Variants in ELAC2 observed in about 807,000 individuals in gnomAD.
ELAC2 encodes the protein zinc phosphodiesterase ELAC protein 2.
ELAC2 carries 92 observed loss-of-function variants against 105.2 expected under a neutral mutation model. That is an observed-to-expected ratio of 0.87 (90% confidence interval 0.74 to 1.04). ELAC2 has a LOEUF of 1.04. Among genes scored for constraint, ELAC2 ranks in the 50% least tolerant of loss-of-function variants. ELAC2 has a pLI of 0.00. For missense variants in ELAC2, 1,099 were observed against 1,071.7 expected (o/e 1.03, Z -0.36); for synonymous variants, 468 against 409.1 (o/e 1.14, Z -1.74).
At chr17:12,993,361 C>T (rs2040297495) in intron 23 of ELAC2, among the ~76,000 whole-genome samples, 2 of 152,306 alleles carry the variant, frequency 1.3e-5, no homozygotes, top group Admixed American at 6.5e-5. Context: ...AAGGGTCAGG[C>T]CTGGCTTTCC....
intron 7 of ELAC2, 120 bp from the exon 8 acceptor site, chr17:13,010,791 C>A: frequency 5.5e-6 from 5 of 904,248 alleles, no homozygotes; most frequent in East Asian, 2.6e-5. Flanking sequence ...CGCTACTGTC[C>A]CAATACAAAG....
chr17:13,014,795 T>C (rs137932375), intron 4 of ELAC2, among the ~76,000 whole-genome samples: 1 of 152,050 alleles, frequency 6.6e-6, no homozygotes, highest in Non-Finnish European at 1.5e-5. Flanking sequence ...AAATGAAAAA[T>C]ACAGAAGGCT....
chr17:13,006,357 G>GA (rs369728521), intron 8 of ELAC2: 3 of 217,926 alleles, frequency 1.4e-5, no homozygotes, highest in African/African-American at 6.9e-5. Flanking sequence ...CAACAAAAGC[G>GA]AAAGTCTGTC....
At chr17:12,993,310 C>T (rs2040292620) in intron 23 of ELAC2, among the ~76,000 whole-genome samples, 2 of 152,190 alleles carry the variant, frequency 1.3e-5, no homozygotes, top group Non-Finnish European at 1.5e-5. Context: ...TCCTGAAAAA[C>T]GAGGCCTGGC....
chr17:12,995,145 C>T, intron 19 of ELAC2, 83 bp from the exon 20 acceptor site: 6 of 1,354,852 alleles, frequency 4.4e-6, no homozygotes, highest in Non-Finnish European at 6.4e-6. Flanking sequence ...GGCTGGAGAA[C>T]CCCAAAATCA....
intron 6 of ELAC2, 96 bp downstream of exon 6, chr17:13,013,111 G>C (rs2041513420): frequency 2.2e-6 from 3 of 1,357,686 alleles, no homozygotes; most frequent in Non-Finnish European, 3.1e-6. Flanking sequence ...CACAAAACAG[G>C]GTGCCCACAG....
chr17:12,995,721 T>C lies in ELAC2; in HGVS notation c.1790A>G (p.Glu597Gly). The part of the protein sequence containing the change: ...WLQQYHNQCQ[E>G]VLHHISMIPA... ...TGCTCACCTGATGTGGTGCAGGACC[T>C]CCTGGCACTGGTTGTGGTACTGCTG... The change falls in exon 19 of 24, where the codon GAG becomes GGG. Residue 597 changes from glutamate to glycine, a missense_variant. Coordinates refer to ENST00000338034, the MANE Select transcript of ELAC2 (RefSeq NM_018127.7). 6.2e-7 allele frequency: 1 copy of C among 1,612,068 alleles called. No individual in the cohort carries two copies.
At chr17:13,016,971 A>C (rs753395825) in intron 2 of ELAC2, 39 bp from the exon 3 acceptor site, 23 of 1,613,426 alleles carry the variant, frequency 1.4e-5, no homozygotes, top group Non-Finnish European at 1.8e-5. Flanking sequence ...TAACATGAAC[A>C]GAACAAGGAC....
chr17:13,013,854 AACG>A (rs1301003059), intron 5 of ELAC2, among the ~76,000 whole-genome samples: 1 of 152,084 alleles, frequency 6.6e-6, no homozygotes, highest in Non-Finnish European at 1.5e-5. Flanking sequence ...AAAGCAACTC[AACG>A]ACGAGAAGCA....
In ELAC2 at chr17:13,017,846, C is replaced by T. The variant is rs1230713917; in HGVS notation, c.102G>A (p.Lys34=). 1 of 1,574,230 alleles carries T rather than the reference C, an allele frequency of 6.4e-7. No individual in the cohort carries two copies. The highest frequency in any genetic ancestry group is 8.6e-7 in the Non-Finnish European group (1 of 1,161,852). ...GCGTGCGCAGGTGCCGCAGCGGGTC[C>T]TTGCGCGGCCGCTCGCGGCGGGCGG... ...QAPARRERPR[K]DPLRHLRTRE... is the part of the protein sequence containing the mutation. Residue 34 remains lysine (K), a synonymous_variant, in exon 1 of 24, where the codon AAG becomes AAA. Transcript: ENST00000338034.
intron 8 of ELAC2, among the ~76,000 whole-genome samples, chr17:13,009,342 A>C (rs1301636858): frequency 6.6e-6 from 1 of 152,248 alleles, no homozygotes; most frequent in Non-Finnish European, 1.5e-5. Context: ...AAGCCCACAA[A>C]AAGGCAATGA....
In ELAC2 at chr17:13,002,421, G is replaced by A. The variant is rs1367660839; in HGVS notation, c.1218+20C>T. On this transcript the variant is annotated intron_variant, in intron 13 of 23. Transcript: ENST00000338034. Reference sequence around the variant, plus strand: ...AGGGGACGAGAGCTGGGCCGACAAGGGGCCGGTCTGAGACACTACCTTACA... The same window carrying A: ...AGGGGACGAGAGCTGGGCCGACAAGAGGCCGGTCTGAGACACTACCTTACA... 3 of 1,613,706 alleles carry A rather than the reference G, an allele frequency of 1.9e-6. No individual in the cohort carries two copies. The highest frequency in any genetic ancestry group is 1.7e-6 in the Non-Finnish European group (2 of 1,179,906).
chr17:13,010,748 T>A (rs1281747058), intron 7 of ELAC2, 77 bp from the exon 8 acceptor site: 7 of 1,313,758 alleles, frequency 5.3e-6, no homozygotes, highest in Admixed American at 3.4e-5. Flanking sequence ...TATGACCCGA[T>A]ACCTAATTTC....
rs1288415497 is a variant in ELAC2 at position 12,998,460 on chromosome 17, G to T, written c.1472C>A (p.Ala491Asp). The change falls in exon 16 of 24, where the codon GCC (alanine) becomes GAC (aspartate). Residue 491 changes from alanine (A) to aspartate (D), a missense_variant. Physicochemically the swap from Ala to Asp is moderately radical, Grantham distance 126. Coordinates refer to ENST00000338034, the MANE Select transcript of ELAC2 (RefSeq NM_018127.7). The part of the protein sequence containing the change: ...PEIIFLGTGS[A>D]IPMKIRNVSA... ...GACATTTCGAATCTTCATCGGGATG[G>T]CAGACCCTGTTCCAAGGAAGATGAT... 6.2e-7 allele frequency: 1 copy of T among 1,614,184 alleles called. No individual in the cohort carries two copies. Among genetic ancestry groups the T allele is most frequent in the South Asian group, 1.1e-5 (1 of 91,090 alleles).
chr17:13,000,304 G>A, intron 14 of ELAC2, 30 bp from the exon 15 acceptor site: 10 of 1,600,026 alleles, frequency 6.2e-6, no homozygotes, highest in Non-Finnish European at 8.6e-6. Flanking sequence ...CATCTCAGGT[G>A]ACGGACAGGG....
Position 12,996,546 on chromosome 17 carries a change from C to T in ELAC2, c.1659+1G>A. 6.2e-7 allele frequency: 1 copy of T among 1,613,864 alleles called. No individual in the cohort carries two copies. The highest frequency in any genetic ancestry group is 8.5e-7 in the Non-Finnish European group (1 of 1,180,036). ...GCTTTGTGGTCCAGCCCAACACTCA[C>T]CGTGTGGTGATCTGCGTGCAGGTGG... On this transcript the variant is annotated splice_donor_variant, in intron 17 of 23. Coordinates refer to ENST00000338034, the MANE Select transcript of ELAC2 (RefSeq NM_018127.7). LOFTEE classifies it high-confidence loss of function.
chr17:12,994,313 T>C, intron 22 of ELAC2, 112 bp downstream of exon 22: 1 of 1,244,752 alleles, frequency 8.0e-7, no homozygotes, highest in East Asian at 2.3e-5. Flanking sequence ...CCATAGCCCT[T>C]GATAGGAAGC....
intron 19 of ELAC2, 46 bp from the exon 20 acceptor site, chr17:12,995,108 AC>A (rs1179037646): frequency 3.8e-6 from 6 of 1,595,908 alleles, no homozygotes; most frequent in Non-Finnish European, 5.2e-6. Flanking sequence ...CGTTTCTTGG[AC>A]ATCTGGAACC....
intron 8 of ELAC2, among the ~76,000 whole-genome samples, chr17:13,009,715 G>A (rs1286222992): frequency 6.6e-6 from 1 of 152,208 alleles, no homozygotes; most frequent in African/African-American, 2.4e-5. Flanking sequence ...TATGGACCAG[G>A]CACAGTGCTT....
Sources: allele counts gnomAD v4.1 joint callset (sites outside exome capture counted in the v4.1 genomes callset), GRCh38; gene constraint gnomAD v4.1.1; transcripts MANE v1.5; gene names NCBI Gene and HGNC (gene_info 2026-07-23, HGNC 2026-07-21).